Variants in WDR27 observed in about 807,000 individuals in gnomAD.
WDR27 encodes WD repeat domain 27.
A neutral mutation model predicts 114.4 loss-of-function variants in WDR27; 100 were observed. That is an observed-to-expected ratio of 0.87 (90% CI 0.74 to 1.03). The LOEUF is 1.03. Ranked by LOEUF, WDR27 falls within the 50% of genes least tolerant of loss-of-function variation. The pLI is 0.00. For synonymous variants in WDR27, 449 were observed against 423.1 expected (o/e 1.06, Z -0.75); for missense variants, 1,129 against 1,092.9 (o/e 1.03, Z -0.47).
At chr6:169,469,501 A>G (rs1786054603) in intron 25 of WDR27, among the ~76,000 whole-genome samples, 1 of 152,328 alleles carries the variant, frequency 6.6e-6, no homozygotes, top group South Asian at 2.1e-4. Context: ...CATGACTTGG[A>G]GAGTGGTCCC....
chr6:169,554,180 G>A (rs1299445763), intron 25 of WDR27, among the ~76,000 whole-genome samples: 1 of 152,180 alleles, frequency 6.6e-6, no homozygotes, highest in Admixed American at 6.5e-5. Context: ...GAAGCGGGTG[G>A]TCATGCCCGG....
chr6:169,611,840 A>G (rs1445268582), intron 22 of WDR27, among the ~76,000 whole-genome samples: 3 of 152,168 alleles, frequency 2.0e-5, no homozygotes, highest in East Asian at 1.9e-4. Context: ...TCTCCCTCTG[A>G]TAACAATGTC....
chr6:169,435,618 GCCTTTAGCC>G, the WDR27 span, among the ~76,000 whole-genome samples: 1 of 152,218 alleles, frequency 6.6e-6, no homozygotes, highest in Admixed American at 6.5e-5. Flanking sequence ...CTTGCATGGG[GCCTTTAGCC>G]CCTTTGTTTT....
chr6:169,522,529 A>G (rs9478039), intron 25 of WDR27, among the ~76,000 whole-genome samples: 245 of 152,236 alleles, frequency 1.6e-3, no homozygotes, highest in African/African-American at 5.8e-3. Flanking sequence ...TCCTTTCATC[A>G]GCACATGGAA....
At chr6:169,581,039 G>A (rs9295012) in intron 24 of WDR27, among the ~76,000 whole-genome samples, 72,408 of 149,530 alleles carry the variant, frequency 0.48, 21,251 homozygotes, top group Non-Finnish European at 0.67. Flanking sequence ...CTGGTTTCTC[G>A]CTGCCTGTTC....
chr6:169,509,250 G>T lies in WDR27; in HGVS notation c.2646-51616C>A, dbSNP rs925528687. On this transcript the variant is annotated intron_variant, in intron 25 of 25. Transcript: ENST00000448612. ...ATGCCATCCCCATCAAGCTACCAAT[G>T]ACTTTCTTCACAGAATTGGAAAAAA... 3.9e-5 allele frequency among the ~76,000 whole-genome samples: 6 copies of T among 152,132 alleles called. No individual in the cohort carries two copies. In the East Asian group the frequency reaches 1.2e-3, roughly 29 times the overall value.
the WDR27 span, among the ~76,000 whole-genome samples, chr6:169,448,212 CAT>C: frequency 6.6e-6 from 1 of 152,150 alleles, no homozygotes; most frequent in Non-Finnish European, 1.5e-5. Context: ...CCATATTTTA[CAT>C]GTGTTTTCTA....
At chr6:169,565,799 G>A (rs1476110332) in intron 25 of WDR27, among the ~76,000 whole-genome samples, 1 of 152,232 alleles carries the variant, frequency 6.6e-6, no homozygotes, top group African/African-American at 2.4e-5. Flanking sequence ...CTACAGGCAT[G>A]AGCCACCACA....
chr6:169,549,229 G>A (rs1045630170), intron 25 of WDR27, among the ~76,000 whole-genome samples: 2 of 152,172 alleles, frequency 1.3e-5, no homozygotes, highest in African/African-American at 4.8e-5. Flanking sequence ...GTCAACAGAT[G>A]CCTCACCAAA....
chr6:169,561,053 C>T lies in WDR27; in HGVS notation c.2645+11366G>A, dbSNP rs913815415. Among the ~76,000 whole-genome samples the T allele has an allele frequency of 4.6e-5, 7 of 152,116 alleles. No homozygotes were observed. The East Asian group carries it at 1.4e-3, about 29-fold the overall frequency. ...AATTTAGAACAAATGTGGTCTTAGT[C>T]CATTCAGGCTGCTGTCACAAAAATG... On this transcript the variant is annotated intron_variant, in intron 25 of 25. Transcript: ENST00000448612.
intron 13 of WDR27, among the ~76,000 whole-genome samples, chr6:169,654,004 A>G (rs1823321296): frequency 6.6e-6 from 1 of 152,254 alleles, no homozygotes; most frequent in Non-Finnish European, 1.5e-5. Context: ...AACCCCTAGA[A>G]AGCAACGCAA....
chr6:169,580,142 T>C (rs2128137691), intron 24 of WDR27, among the ~76,000 whole-genome samples: 1 of 152,344 alleles, frequency 6.6e-6, no homozygotes, highest in Admixed American at 6.5e-5. Flanking sequence ...TCCCATGTTT[T>C]CCTTGTGTGT....
chr6:169,526,569 C>A (rs536567154), intron 25 of WDR27, among the ~76,000 whole-genome samples: 1 of 151,850 alleles, frequency 6.6e-6, no homozygotes, highest in Non-Finnish European at 1.5e-5. Context: ...GCAGAGACTG[C>A]GCCACTGTAC....
At position 169,649,121 on chromosome 6, in the gene WDR27, TG is replaced by T. The variant is rs202126826; in HGVS notation, c.1559+76del. ...ACACATATAAGGTTTTATATCTGTT[TG>T]GAAAAGAACCAGTTAAAGTGTTGGA... On this transcript the variant is annotated intron_variant, in intron 15 of 25. Coordinates refer to ENST00000448612, the MANE Select transcript of WDR27 (RefSeq NM_182552.5). 7.2e-6 allele frequency: 9 copies of T among 1,243,240 alleles called. No homozygotes were observed. In the East Asian group the frequency reaches 2.3e-4, roughly 32 times the overall value. 77.0% of individuals were successfully genotyped at this position (1,243,240 alleles called of 1,614,324 possible).
At chr6:169,529,317 G>T (rs1021103746) in intron 25 of WDR27, among the ~76,000 whole-genome samples, 13 of 141,046 alleles carry the variant, frequency 9.2e-5, no homozygotes, top group African/African-American at 2.9e-4. Context: ...CTCTGCGGGG[G>T]GGGGGGGCAG....
intron 20 of WDR27, among the ~76,000 whole-genome samples, chr6:169,633,988 A>G (rs965416315): frequency 6.6e-6 from 1 of 152,246 alleles, no homozygotes; most frequent in Admixed American, 6.5e-5. Context: ...TAAATAAATT[A>G]AAATCAACTT....
chr6:169,549,561 A>T (rs918969818), intron 25 of WDR27, among the ~76,000 whole-genome samples: 2 of 152,256 alleles, frequency 1.3e-5, no homozygotes, highest in Non-Finnish European at 2.9e-5. Flanking sequence ...CATCACACAA[A>T]AATTGCACAT....
At chr6:169,674,659 T>C (rs1010764675) in intron 2 of WDR27, among the ~76,000 whole-genome samples, 2 of 151,980 alleles carry the variant, frequency 1.3e-5, no homozygotes, top group African/African-American at 4.8e-5. Flanking sequence ...TTTGAAGAAA[T>C]AATGGCTGAA....
intron 23 of WDR27, among the ~76,000 whole-genome samples, chr6:169,599,301 A>G (rs1201555816): frequency 6.6e-6 from 1 of 152,196 alleles, no homozygotes; most frequent in African/African-American, 2.4e-5. Context: ...CACTAGACAA[A>G]AAGAAGAGAT....
Sources: gnomAD v4.1 joint callset for allele counts (sites outside exome capture counted in the v4.1 genomes callset) on GRCh38, gnomAD v4.1.1 for gene constraint, MANE v1.5 for transcripts, NCBI Gene and HGNC (gene_info 2026-07-23, HGNC 2026-07-21) for gene names.